Variants in PLCL1 observed in about 807,000 individuals in gnomAD.
PLCL1 encodes phospholipase C like 1 (inactive), also known as inactive phospholipase C-like protein 1.
In PLCL1, 41 loss-of-function variants were observed where a neutral mutation model predicts 84.4. The ratio of observed to expected loss-of-function variants is 0.49; its 90% CI spans 0.38 to 0.63. The LOEUF is 0.63. Ranked by LOEUF, PLCL1 falls within the 30% of genes least tolerant of loss-of-function variation. The pLI is 0.00. For synonymous variants in PLCL1, 490 were observed against 488.3 expected, an observed-to-expected ratio of 1.00 and a Z score of -0.05; for missense variants, 1,206 against 1,367.8, an observed-to-expected ratio of 0.88 and a Z score of 1.87.
At chr2:197,821,731 A>C (rs1456710485) in intron 1 of PLCL1, among the ~76,000 whole-genome samples, 3 of 152,146 alleles carry the variant, frequency 2.0e-5, no homozygotes, top group East Asian at 1.9e-4. Context: ...GGCCATACCC[A>C]GCTGCAAAGA....
In PLCL1 at chr2:198,147,015, A is replaced by C; in HGVS notation, c.*53A>C. On this transcript the variant is annotated 3_prime_UTR_variant, in exon 6 of 6. Transcript: ENST00000428675. The stretch of plus-strand genomic sequence containing the variant: ...ATCTTATCAAGGACTCTGGTTTCTC[A>C]TTCTTGTTTTCTTTCTTTAAATGTT... 12 of 1,424,186 alleles carry C rather than the reference A, an allele frequency of 8.4e-6. No homozygotes were observed. Among genetic ancestry groups the C allele is most frequent in the Non-Finnish European group, 1.1e-5 (12 of 1,058,964 alleles). The allele number at this position is 1,424,186 out of a possible 1,614,324, so 88.2% of individuals were successfully genotyped here.
chr2:198,060,477 A>T (rs891938526), intron 1 of PLCL1, among the ~76,000 whole-genome samples: 3 of 152,224 alleles, frequency 2.0e-5, no homozygotes, highest in Non-Finnish European at 4.4e-5. Flanking sequence ...AATTGGTCTC[A>T]GATGAATTTT....
intron 5 of PLCL1, among the ~76,000 whole-genome samples, chr2:198,125,288 G>A (rs1299222112): frequency 6.6e-6 from 1 of 151,982 alleles, no homozygotes. Context: ...TTTCCTCTTA[G>A]TCTTATGAGT....
At chr2:197,809,378 A>G (rs1482199020) in intron 1 of PLCL1, among the ~76,000 whole-genome samples, 1 of 152,218 alleles carries the variant, frequency 6.6e-6, no homozygotes, top group African/African-American at 2.4e-5. Flanking sequence ...CAATCCATCA[A>G]CACTTCTAGG....
chr2:197,805,238 AGCGGGGTCGCACTGCCAGGCGCC>A lies in PLCL1; in HGVS notation c.146_168del (p.Val49AspfsTer50). On this transcript the variant is annotated frameshift_variant, in exon 1 of 6. Coordinates refer to ENST00000428675, the MANE Select transcript of PLCL1 (RefSeq NM_006226.4). LOFTEE classifies it high-confidence loss of function. The surrounding 1 kb of genome is among the most constrained non-coding windows in gnomAD (Gnocchi z 4.0). ...TGGGGGCCGGATGAGGGACCGTCGCAGCGGGGTCGCACTGCCAGGCGCCGCGGGGACCCCAGCGGACAGCGAGG... is the reference window on the plus strand; with the variant it reads ...TGGGGGCCGGATGAGGGACCGTCGCAGCGGGGACCCCAGCGGACAGCGAGG... The A allele has an allele frequency of 7.9e-7, 1 of 1,270,110 alleles. No individual in the cohort carries two copies. Among genetic ancestry groups the A allele is most frequent in the Non-Finnish European group, 9.9e-7 (1 of 1,009,684 alleles). The allele number at this position is 1,270,110 out of a possible 1,614,324, so 78.7% of individuals were successfully genotyped here. A position where few individuals can be genotyped will look rare whatever the true frequency, so the allele number is the denominator to read the frequency against.
chr2:197,850,010 A>G (rs1047682772), intron 1 of PLCL1, among the ~76,000 whole-genome samples: 29 of 144,830 alleles, frequency 2.0e-4, no homozygotes, highest in African/African-American at 7.3e-4. Context: ...ACACAGACAC[A>G]CAGACACACA....
At chr2:197,977,769 A>G (rs963149297) in intron 1 of PLCL1, among the ~76,000 whole-genome samples, 1 of 152,150 alleles carries the variant, frequency 6.6e-6, no homozygotes, top group East Asian at 1.9e-4. Context: ...GGGATCCATT[A>G]AGACCTGGCC....
chr2:198,130,546 G>A (rs6758876), intron 5 of PLCL1, among the ~76,000 whole-genome samples: 24,549 of 151,894 alleles, frequency 0.16, 2,324 homozygotes, highest in African/African-American at 0.27. Context: ...TACCTCCCAG[G>A]CATTGTACCT....
At chr2:197,972,501 C>T (rs1167255757) in intron 1 of PLCL1, among the ~76,000 whole-genome samples, 1 of 152,282 alleles carries the variant, frequency 6.6e-6, no homozygotes, top group Admixed American at 6.5e-5. Flanking sequence ...TTTACTCAAA[C>T]TCCTGAGTGT....
chr2:197,843,531 A>G (rs894969767), intron 1 of PLCL1, among the ~76,000 whole-genome samples: 3 of 152,142 alleles, frequency 2.0e-5, no homozygotes, highest in Non-Finnish European at 4.4e-5. Context: ...TAATTATCCA[A>G]TTTTGTTGAT....
chr2:198,054,361 G>A (rs932244621), intron 1 of PLCL1, among the ~76,000 whole-genome samples: 1 of 152,188 alleles, frequency 6.6e-6, no homozygotes, highest in Non-Finnish European at 1.5e-5. Context: ...CCATCCAACA[G>A]CAGCAGAATA....
At chr2:198,097,707 C>T (rs571448429) in intron 3 of PLCL1, among the ~76,000 whole-genome samples, 2 of 152,182 alleles carry the variant, frequency 1.3e-5, no homozygotes, top group East Asian at 1.9e-4. Flanking sequence ...TGGAGACAAA[C>T]GTCCTCTGAC....
intron 1 of PLCL1, among the ~76,000 whole-genome samples, chr2:198,059,863 G>T (rs116478317): frequency 1.8e-4 from 28 of 152,284 alleles, no homozygotes; most frequent in African/African-American, 6.3e-4. Flanking sequence ...GTCGATGCAC[G>T]GGGACAGAGG....
chr2:198,041,833 A>C (rs1234813143), intron 1 of PLCL1, among the ~76,000 whole-genome samples: 1 of 152,216 alleles, frequency 6.6e-6, no homozygotes, highest in Non-Finnish European at 1.5e-5. Flanking sequence ...CAAAGGTAAC[A>C]AGGTTGATGA....
intron 1 of PLCL1, among the ~76,000 whole-genome samples, chr2:198,047,806 G>C (rs551780058): frequency 6.6e-6 from 1 of 152,230 alleles, no homozygotes; most frequent in African/African-American, 2.4e-5. Context: ...TGAGTGTCTT[G>C]CATAATAATA....
chr2:198,041,923 A>T (rs1043320479), intron 1 of PLCL1, among the ~76,000 whole-genome samples: 1 of 152,194 alleles, frequency 6.6e-6, no homozygotes, highest in African/African-American at 2.4e-5. Flanking sequence ...AAACAAAAAA[A>T]TAAAGTTGGG....
chr2:197,924,030 G>C (rs1395473730), intron 1 of PLCL1, among the ~76,000 whole-genome samples: 9 of 149,614 alleles, frequency 6.0e-5, no homozygotes, highest in Admixed American at 1.3e-4. Context: ...GCCTGCAATC[G>C]CAGGCACTCG....
intron 5 of PLCL1, among the ~76,000 whole-genome samples, chr2:198,117,338 C>CTTTT (rs5837581): frequency 7.1e-6 from 1 of 140,618 alleles, no homozygotes; most frequent in Non-Finnish European, 1.5e-5. Context: ...TTTTTTTTTT[C>CTTTT]TTTTTTTTTT....
intron 1 of PLCL1, among the ~76,000 whole-genome samples, chr2:198,080,204 C>T (rs1243614439): frequency 6.6e-6 from 1 of 152,178 alleles, no homozygotes; most frequent in African/African-American, 2.4e-5. Context: ...CAAAAGTACC[C>T]ATCTTCCCAA....
Sources: gnomAD v4.1 joint callset for allele counts (sites outside exome capture counted in the v4.1 genomes callset) on GRCh38, gnomAD v4.1.1 for gene constraint, Gnocchi (gnomAD v3.1) non-coding constraint, MANE v1.5 for transcripts, NCBI Gene and HGNC (gene_info 2026-07-23, HGNC 2026-07-21) for gene names.